VILL: variants seen among roughly 807,000 people sequenced by gnomAD.
The protein encoded by VILL is villin-like protein.
A neutral mutation model predicts 106.3 loss-of-function variants in VILL; 102 were observed. That is an observed-to-expected ratio of 0.96 (90% confidence interval 0.82 to 1.13). The LOEUF (loss-of-function observed/expected upper bound fraction) is 1.13. Among genes scored for constraint, VILL ranks in the 50% most tolerant of loss-of-function variants. The pLI is 0.00. For missense variants in VILL, 1,076 were observed against 1,116.6 expected (o/e 0.96, Z 0.52); for synonymous variants, 431 against 440.3 (o/e 0.98, Z 0.27).
intron 19 of VILL, 23 bp from the exon 20 acceptor site, chr3:38,006,919 C>T (rs1329515139): frequency 1.3e-6 from 2 of 1,599,036 alleles, no homozygotes; most frequent in Admixed American, 1.7e-5. Context: ...TACCCTGTAC[C>T]TCCCCCTCTC....
In VILL at chr3:37,997,012, A is replaced by G. The variant is rs1252460844; in HGVS notation, c.451-65A>G. The G allele has an allele frequency of 8.9e-6, 13 of 1,452,950 alleles. No homozygotes were observed. 90.0% of individuals were successfully genotyped at this position (1,452,950 alleles called of 1,614,324 possible). On this transcript the variant is annotated intron_variant, in intron 5 of 19. Coordinates refer to ENST00000383759, the MANE Select transcript of VILL (RefSeq NM_015873.4). The surrounding 1 kb of genome is among the most constrained non-coding windows in gnomAD (Gnocchi z 4.7). ...GCTTCATGCACACGTGACACATCCC[A>G]GCTATGCTCCCCTCTAGCGGATGCT...
chr3:38,006,621 A>C lies in VILL; in HGVS notation c.2378A>C (p.Asn793Thr). ...SSVSSTSATI[N>T]GGLRREQLMH... ...GTCAGCAGCACCAGCGCCACGATCA[A>C]CGGGGGCCTGCGCCGGGAACAACTG... Residue 793 changes from asparagine (N) to threonine (T), a missense_variant, in exon 19 of 20, where the codon AAC becomes ACC. Transcript: ENST00000383759. The C allele has an allele frequency of 6.2e-7, 1 of 1,614,006 alleles. No individual in the cohort carries two copies. The highest frequency in any genetic ancestry group is 8.5e-7 in the Non-Finnish European group (1 of 1,180,022).
At position 38,006,550 on chromosome 3, in the gene VILL, T is replaced by G. The variant is rs1321520204; in HGVS notation, c.2307T>G (p.Asp769Glu). 1.2e-6 allele frequency: 2 copies of G among 1,614,068 alleles called. No individual in the cohort carries two copies. The highest frequency in any genetic ancestry group is 2.7e-5 in the African/African-American group (2 of 74,956). Residue 769 changes from aspartate to glutamate, a missense_variant, in exon 19 of 20, where the codon GAT (aspartate) becomes GAG (glutamate). Physicochemically the swap from Asp to Glu is conservative, Grantham distance 45. Transcript: ENST00000383759. Reference sequence around the variant, plus strand: ...GCTCCCAGGACAGCTCAGAGAATGATCTGGTGCGAAGCCCCAAGTCGGCTG... The same window carrying G: ...GCTCCCAGGACAGCTCAGAGAATGAGCTGGTGCGAAGCCCCAAGTCGGCTG... The part of the protein sequence containing the change: ...LKGSQDSSEN[D>E]LVRSPKSAGS...
chr3:38,001,313 G>A, intron 11 of VILL, 143 bp from the exon 12 acceptor site: 1 of 1,249,452 alleles, frequency 8.0e-7, no homozygotes, highest in Non-Finnish European at 1.1e-6. Context: ...GCCCAGAATG[G>A]GCCTGGAGCT....
In VILL at chr3:37,999,040, C is replaced by T; in HGVS notation, c.1071C>T (p.Leu357=). 7.6e-7 allele frequency: 1 copy of T among 1,308,016 alleles called. No homozygotes were observed. Among genetic ancestry groups the T allele is most frequent in the Non-Finnish European group, 1.0e-6 (1 of 991,594 alleles). 81.0% of individuals were successfully genotyped at this position (1,308,016 alleles called of 1,614,324 possible). The change falls in exon 10 of 20, where the codon CTC becomes CTT. Residue 357 remains leucine, a synonymous_variant. Transcript: ENST00000383759. ...AGAAGCGGCGCAGGAACCAGAAGCT[C>T]GGCGGGAGGGGTGAGCGGGCGGGGC... is the stretch of plus-strand genomic sequence containing the variant. ...WSEKRRRNQK[L]GGRDKSIHVK...
At position 37,997,656 on chromosome 3, in the gene VILL, G is replaced by A; in HGVS notation, c.735G>A (p.Gln245=). The change falls in exon 7 of 20, where the codon CAG becomes CAA. Residue 245 remains glutamine (Q), a synonymous_variant. Transcript: ENST00000383759. This position sits in a 1 kb window ranked among gnomAD's most constrained non-coding sequence, Gnocchi z 4.7. The stretch of plus-strand genomic sequence containing the variant: ...CCACGCCCAGCAAGGATATCAACCA[G>A]CTGCAGAAGGCCAATGTTCGCCTGT... ...RAATPSKDIN[Q]LQKANVRLYH... is the part of the protein sequence containing the mutation. 1 of 1,611,680 alleles carries A rather than the reference G, an allele frequency of 6.2e-7. No homozygotes were observed. The highest frequency in any genetic ancestry group is 8.5e-7 in the Non-Finnish European group (1 of 1,179,782).
rs770691999 is a variant in VILL, at chr3:38,004,310, A to G, written c.1861A>G (p.Met621Val). 5 of 1,613,966 alleles carry G rather than the reference A, an allele frequency of 3.1e-6. No homozygotes were observed. The highest frequency in any genetic ancestry group is 1.7e-5 in the Admixed American group (1 of 60,024). Residue 621 changes from methionine (M) to valine (V), a missense_variant, in exon 16 of 20, where the codon ATG (methionine) becomes GTG (valine). Met to Val is a conservative substitution (Grantham distance 21, BLOSUM62 1). Transcript: ENST00000383759. ...ACGACTGTTTGAGTGCTCCAGCCAC[A>G]TGGGCTGCCTGGTCCTCGCAGAAGT... ...QPRLFECSSHMGCLVLAEVGF... is the reference protein window; with the variant it reads ...QPRLFECSSHVGCLVLAEVGF...
Position 38,005,793 on chromosome 3 carries a change from T to A in VILL, c.1952T>A (p.Ile651Asn). The A allele has an allele frequency of 6.2e-7, 1 of 1,608,520 alleles. No individual in the cohort carries two copies. Among genetic ancestry groups the A allele is most frequent in the Non-Finnish European group, 8.5e-7 (1 of 1,177,098 alleles). Residue 651 changes from isoleucine to asparagine, a missense_variant and splice_region_variant, in exon 17 of 20, where the codon ATC (isoleucine) becomes AAC (asparagine). Transcript: ENST00000383759. ...DIMLLDTWQE[I>N]FLWLGEAASE... ...GGCCAGGTCCCCTCTGTGGCTCAGA[T>A]CTTCCTGTGGCTTGGGGAAGCTGCA... is the stretch of plus-strand genomic sequence containing the variant.
Position 37,998,147 on chromosome 3 carries a change from C to T in VILL, c.822C>T (p.Thr274=), listed in dbSNP as rs1292156338. The change falls in exon 8 of 20, where the codon ACC becomes ACT. Residue 274 remains threonine, a synonymous_variant. Transcript: ENST00000383759. The surrounding 1 kb of genome is among the most constrained non-coding windows in gnomAD (Gnocchi z 4.1). ...VVLELATPPL[T]QDLLQEEDFY... is the part of the protein sequence containing the mutation. ...TGGAGTTGGCGACCCCCCCACTGACCCAGGACCTGCTGCAGGAGGAGGTGA... is the reference window on the plus strand; with the variant it reads ...TGGAGTTGGCGACCCCCCCACTGACTCAGGACCTGCTGCAGGAGGAGGTGA... 3.1e-6 allele frequency: 5 copies of T among 1,613,802 alleles called. No homozygotes were observed. The South Asian group carries it at 5.5e-5, about 18-fold the overall frequency.
rs1157151840 is a variant in VILL at position 38,006,944 on chromosome 3, C to CTA, written c.2462_2463dup (p.Leu822IlefsTer?). 6.2e-7 allele frequency: 1 copy of CTA among 1,613,592 alleles called. No individual in the cohort carries two copies. Among genetic ancestry groups the CTA allele is most frequent in the Admixed American group, 1.7e-5 (1 of 60,014 alleles). On this transcript the variant is annotated frameshift_variant, in exon 20 of 20. Transcript: ENST00000383759. LOFTEE classifies it high-confidence loss of function. ...CTCCCCCTCTCTCCCCTGCCCAGTT[C>CTA]TATCTCTCAGACTCTGACTTCCAAG... is the stretch of plus-strand genomic sequence containing the variant.
At position 37,998,375 on chromosome 3, in the gene VILL, G is replaced by A; in HGVS notation, c.942+11G>A. 4 of 1,613,654 alleles carry A rather than the reference G, an allele frequency of 2.5e-6. No homozygotes were observed. The highest frequency in any genetic ancestry group is 1.1e-5 in the South Asian group (1 of 91,060). On this transcript the variant is annotated intron_variant, in intron 9 of 19. Coordinates refer to ENST00000383759, the MANE Select transcript of VILL (RefSeq NM_015873.4). The surrounding 1 kb of genome is among the most constrained non-coding windows in gnomAD (Gnocchi z 4.1). ...TTCAGCCGGGCTGTGGTGAGCCCTG[G>A]GGCTCTGTCTGAGAGGAACAGAGCA...
In VILL at chr3:37,995,756, T is replaced by C; in HGVS notation, c.359T>C (p.Leu120Pro). 6.2e-7 allele frequency: 1 copy of C among 1,613,824 alleles called. No individual in the cohort carries two copies. The highest frequency in any genetic ancestry group is 1.1e-5 in the South Asian group (1 of 91,070). The change falls in exon 5 of 20, where the codon CTA (leucine) becomes CCA (proline). Residue 120 changes from leucine (L) to proline (P), a missense_variant. Transcript: ENST00000383759. Reference protein sequence around the residue: ...RPGIIYRKGGLASDLKHVETN... With the variant: ...RPGIIYRKGGPASDLKHVETN... The stretch of plus-strand genomic sequence containing the variant: ...CACCTCAGCTACAGGAAGGGAGGCC[T>C]AGCATCTGACCTCAAGCATGTGGAG...
Position 37,994,467 on chromosome 3 carries a change from G to A in VILL, c.341+1G>A, listed in dbSNP as rs1409508364. 1 of 1,612,038 alleles carries A rather than the reference G, an allele frequency of 6.2e-7. No homozygotes were observed. Among genetic ancestry groups the A allele is most frequent in the East Asian group, 2.2e-5 (1 of 44,874 alleles). On this transcript the variant is annotated splice_donor_variant, in intron 4 of 19. Transcript: ENST00000383759. LOFTEE classifies it high-confidence loss of function. ...GCAGCTACTTCCGCCCGGGAATCAT[G>A]TGAGTGCGGGGGCGACCGGGGCAGG... is the stretch of plus-strand genomic sequence containing the variant.
chr3:37,996,286 C>T (rs1480632524), intron 5 of VILL, among the ~76,000 whole-genome samples: 1 of 152,158 alleles, frequency 6.6e-6, no homozygotes, highest in Non-Finnish European at 1.5e-5. Context: ...CATAACCTCG[C>T]ACTCTCTCAC....
At position 37,998,203 on chromosome 3, in the gene VILL, TCCCCATCCACAA is replaced by T. The variant is rs754690839; in HGVS notation, c.843+41_844-46del. The T allele has an allele frequency of 1.9e-6, 3 of 1,613,730 alleles. No homozygotes were observed. The South Asian group carries it at 3.3e-5, about 18-fold the overall frequency. ...GCCTGGCCCCAGCTACTTGCATCCT[TCCCCATCCACAA>T]CCCCAGCCCAGTCTGGACCACCTAC... On this transcript the variant is annotated intron_variant, in intron 8 of 19. Coordinates refer to ENST00000383759, the MANE Select transcript of VILL (RefSeq NM_015873.4). This position sits in a 1 kb window ranked among gnomAD's most constrained non-coding sequence, Gnocchi z 4.1.
chr3:38,002,684 C>A, intron 14 of VILL, 109 bp downstream of exon 14: 1 of 1,274,076 alleles, frequency 7.8e-7, no homozygotes. Context: ...TCAGATAGGC[C>A]GATGGGGGGA....
In VILL at chr3:38,006,669, T is replaced by C. The variant is rs750475990; in HGVS notation, c.2426T>C (p.Leu809Pro). ...EQLMHQAVED[L>P]PEGVDPARRE... is the part of the protein sequence containing the mutation. ...CTGATGCACCAGGCTGTTGAGGACCTGCCAGAGGGCGTGGACCCTGCCCGC... is the reference window on the plus strand; with the variant it reads ...CTGATGCACCAGGCTGTTGAGGACCCGCCAGAGGGCGTGGACCCTGCCCGC... The change falls in exon 19 of 20, where the codon CTG becomes CCG. Residue 809 changes from leucine to proline, a missense_variant. Transcript: ENST00000383759. 4 of 1,612,392 alleles carry C rather than the reference T, an allele frequency of 2.5e-6. No homozygotes were observed. The highest frequency in any genetic ancestry group is 3.3e-5 in the Admixed American group (2 of 59,990).
chr3:37,997,267 C>A lies in VILL; in HGVS notation c.561+80C>A. ...TCCAGTTGACCATCCTCCGGCCACC[C>A]AAAGAGTTGGGCTTGGCTCTGCTAC... On this transcript the variant is annotated intron_variant, in intron 6 of 19. Coordinates refer to ENST00000383759, the MANE Select transcript of VILL (RefSeq NM_015873.4). This position sits in a 1 kb window ranked among gnomAD's most constrained non-coding sequence, Gnocchi z 4.7. 6.9e-7 allele frequency: 1 copy of A among 1,459,502 alleles called. No individual in the cohort carries two copies. The highest frequency in any genetic ancestry group is 9.5e-7 in the Non-Finnish European group (1 of 1,047,732). 90.4% of individuals were successfully genotyped at this position (1,459,502 alleles called of 1,614,324 possible). A position where few individuals can be genotyped will look rare whatever the true frequency, so the allele number is the denominator to read the frequency against.
At position 38,001,499 on chromosome 3, in the gene VILL, A is replaced by G. The variant is rs369205147; in HGVS notation, c.1226A>G (p.Lys409Arg). Reference protein sequence around the residue: ...QDLHRQPVDPKRHGQLCAGNC... With the variant: ...QDLHRQPVDPRRHGQLCAGNC... ...TTACACAGGCAGCCCGTGGACCCCA[A>G]GCGTCATGGACAGCTGTGTGCAGGC... The change falls in exon 12 of 20, where the codon AAG (lysine) becomes AGG (arginine). Residue 409 changes from lysine (K) to arginine (R), a missense_variant. Coordinates refer to ENST00000383759, the MANE Select transcript of VILL (RefSeq NM_015873.4). 21 of 1,614,086 alleles carry G rather than the reference A, an allele frequency of 1.3e-5. No individual in the cohort carries two copies. The highest frequency in any genetic ancestry group is 1.6e-5 in the Non-Finnish European group (19 of 1,180,024).
Sources: gnomAD v4.1 joint callset for allele counts (sites outside exome capture counted in the v4.1 genomes callset) on GRCh38, gnomAD v4.1.1 for gene constraint, Gnocchi (gnomAD v3.1) non-coding constraint, MANE v1.5 for transcripts, NCBI Gene and HGNC (gene_info 2026-07-23, HGNC 2026-07-21) for gene names.